The following INKA2 variants were observed in gnomAD, a reference collection of about 807,000 sequenced individuals.
INKA2 encodes the protein inka box actin regulator 2, also known as PAK4-inhibitor INKA2.
INKA2 carries 3 observed loss-of-function variants against 9.8 expected under a neutral mutation model. The ratio of observed to expected loss-of-function variants is 0.31; its 90% CI spans 0.14 to 0.79. The LOEUF (loss-of-function observed/expected upper bound fraction) is 0.79, where lower values mean the gene tolerates loss of function less well. Ranked by LOEUF, INKA2 falls within the 30% of genes least tolerant of loss-of-function variation. The pLI, the probability that INKA2 is intolerant of heterozygous loss-of-function variation, is 0.62. For missense variants in INKA2, 392 were observed against 384.4 expected, an observed-to-expected ratio of 1.02 and a Z score of -0.17; for synonymous variants, 147 against 143.3, an observed-to-expected ratio of 1.03 and a Z score of -0.18.
intron 1 of INKA2, chr1:111,755,507 G>A: frequency 4.8e-6 from 3 of 623,776 alleles, no homozygotes; most frequent in East Asian, 6.0e-5. Flanking sequence ...CGCGAAGCGA[G>A]ACAGGCCAGC....
In INKA2 at chr1:111,726,796, A is replaced by C. The variant is rs1347444354; in HGVS notation, c.*172T>G. 2.8e-6 allele frequency: 2 copies of C among 715,842 alleles called. No homozygotes were observed. The highest frequency in any genetic ancestry group is 4.7e-6 in the Non-Finnish European group (2 of 422,876). 44.3% of individuals were successfully genotyped at this position (715,842 alleles called of 1,614,324 possible). A position where few individuals can be genotyped will look rare whatever the true frequency, so the allele number is the denominator to read the frequency against. On this transcript the variant is annotated 3_prime_UTR_variant, in exon 2 of 2. Transcript: ENST00000357260. ...CTAGCCCCCAAGACAGCCTCTCCCAACCACCTTCCCTTCAGTCCTGAGCCA... is the reference window on the plus strand; with the variant it reads ...CTAGCCCCCAAGACAGCCTCTCCCACCCACCTTCCCTTCAGTCCTGAGCCA...
chr1:111,739,300 A>G lies in INKA2; in HGVS notation c.-58T>C, dbSNP rs1050204749. 1.5e-5 allele frequency: 24 copies of G among 1,607,052 alleles called. No individual in the cohort carries two copies. The South Asian group carries it at 1.9e-4, about 13-fold the overall frequency. Reference sequence around the variant, plus strand: ...AGGGCCCGGGTGAAACCCCGGCCCCACTGGAAACTGCGCTCCGGGCCGGCT... The same window carrying G: ...AGGGCCCGGGTGAAACCCCGGCCCCGCTGGAAACTGCGCTCCGGGCCGGCT... On this transcript the variant is annotated 5_prime_UTR_variant, in exon 1 of 2. Transcript: ENST00000357260.
Position 111,739,322 on chromosome 1 carries a change from G to A in INKA2, c.-80C>T, listed in dbSNP as rs1663087270. ...CCCACTGGAAACTGCGCTCCGGGCC[G>A]GCTCCCCGCCCCTGCGCCCGTAGCG... is the stretch of plus-strand genomic sequence containing the variant. On this transcript the variant is annotated 5_prime_UTR_variant, in exon 1 of 2. Transcript: ENST00000357260. 1.3e-6 allele frequency: 2 copies of A among 1,588,908 alleles called. No homozygotes were observed. Among genetic ancestry groups the A allele is most frequent in the African/African-American group, 2.7e-5 (2 of 73,944 alleles).
intron 1 of INKA2, among the ~76,000 whole-genome samples, chr1:111,748,157 A>G (rs1663314518): frequency 6.6e-6 from 1 of 152,216 alleles, no homozygotes; most frequent in African/African-American, 2.4e-5. Context: ...CTAGTTGCGA[A>G]TTAGCATTTT....
chr1:111,739,221 T>C lies in INKA2; in HGVS notation c.22A>G (p.Met8Val). The stretch of plus-strand genomic sequence containing the variant: ...TTGAGGCGACGGAGATAGCAGTCCA[T>C]TTCCCTGCTCTCCATCGTCATGCGC... Reference protein sequence around the residue: MTMESREMDCYLRRLKQE... With the variant: MTMESREVDCYLRRLKQE... Residue 8 changes from methionine to valine, a missense_variant, in exon 1 of 2, where the codon ATG (methionine) becomes GTG (valine). Met to Val is a conservative substitution (Grantham distance 21, BLOSUM62 1). Coordinates refer to ENST00000357260, the MANE Select transcript of INKA2 (RefSeq NM_019099.5). 6.2e-7 allele frequency: 1 copy of C among 1,613,658 alleles called. No individual in the cohort carries two copies. The highest frequency in any genetic ancestry group is 8.5e-7 in the Non-Finnish European group (1 of 1,179,720).
chr1:111,728,894 G>A (rs1662846696), intron 1 of INKA2, among the ~76,000 whole-genome samples: 1 of 115,906 alleles, frequency 8.6e-6, no homozygotes, highest in Admixed American at 9.0e-5. Flanking sequence ...AGTGGGCAGT[G>A]GAGCTAGGCT....
rs1191854540 is a variant in INKA2 at position 111,726,908 on chromosome 1, C to T, written c.*60G>A. On this transcript the variant is annotated 3_prime_UTR_variant, in exon 2 of 2. Coordinates refer to ENST00000357260, the MANE Select transcript of INKA2 (RefSeq NM_019099.5). ...CATACCGCCCACCCTCCCTCCTCCC[C>T]AGGGGCCCAGCACTGGGACCTGGCC... 9.2e-6 allele frequency: 14 copies of T among 1,514,890 alleles called. No homozygotes were observed. Among genetic ancestry groups the T allele is most frequent in the Non-Finnish European group, 1.3e-5 (14 of 1,114,532 alleles). 93.8% of individuals were successfully genotyped at this position (1,514,890 alleles called of 1,614,324 possible). A position where few individuals can be genotyped will look rare whatever the true frequency, so the allele number is the denominator to read the frequency against.
Position 111,727,250 on chromosome 1 carries a change from G to C in INKA2, c.612C>G (p.Phe204Leu), listed in dbSNP as rs197434. ...KGQPQELGRRFALTANIFKKF... is the reference protein window; with the variant it reads ...KGQPQELGRRLALTANIFKKF... Reference sequence around the variant, plus strand: ...TCTTAAAGATGTTTGCTGTCAGGGCGAACCTGCGGCCCAGCTCCTGGGGCT... The same window carrying C: ...TCTTAAAGATGTTTGCTGTCAGGGCCAACCTGCGGCCCAGCTCCTGGGGCT... Residue 204 changes from phenylalanine to leucine, a missense_variant, in exon 2 of 2, where the codon TTC becomes TTG. Physicochemically the swap from Phe to Leu is conservative, Grantham distance 22. Coordinates refer to ENST00000357260, the MANE Select transcript of INKA2 (RefSeq NM_019099.5). 6.2e-7 allele frequency: 1 copy of C among 1,614,078 alleles called. No individual in the cohort carries two copies.
In INKA2 at chr1:111,723,414, G is replaced by A. The variant is rs197425; in HGVS notation, c.*3554C>T. The A allele has an allele frequency of 8.0e-3, 2,692 of 337,904 alleles. 65 individuals are homozygous for A. The highest frequency in any genetic ancestry group is 0.075 in the African/African-American group (2,416 of 32,000). The allele number at this position is 337,904 out of a possible 1,614,324, so 20.9% of individuals were successfully genotyped here. On this transcript the variant is annotated 3_prime_UTR_variant, in exon 2 of 2. Transcript: ENST00000357260. ...GTTGGGAAGAGAAAGGGAGGAGGGA[G>A]ACCAGGCCGGCCCCACTAGCATGCC... is the stretch of plus-strand genomic sequence containing the variant.
intron 1 of INKA2, among the ~76,000 whole-genome samples, chr1:111,751,653 C>T (rs1009528115): frequency 2.0e-5 from 3 of 152,214 alleles, no homozygotes; most frequent in Non-Finnish European, 4.4e-5. Context: ...CTGGCCTACA[C>T]TTCACTCTCC....
rs532280459 is a variant in INKA2, at chr1:111,725,802, G to A, written c.*1166C>T. The A allele has an allele frequency of 4.0e-5, 10 of 250,634 alleles. No individual in the cohort carries two copies. Among genetic ancestry groups the A allele is most frequent in the African/African-American group, 1.4e-4 (6 of 44,444 alleles). 15.5% of individuals were successfully genotyped at this position (250,634 alleles called of 1,614,324 possible). A position where few individuals can be genotyped will look rare whatever the true frequency, so the allele number is the denominator to read the frequency against. ...GGCTGGAGTGCAGTGGCATGATCTC[G>A]CCTCACTGCAACCTCCCTCTCCCGG... On this transcript the variant is annotated 3_prime_UTR_variant, in exon 2 of 2. Transcript: ENST00000357260.
At chr1:111,752,442 C>T (rs1191054363) in intron 1 of INKA2, among the ~76,000 whole-genome samples, 1 of 152,184 alleles carries the variant, frequency 6.6e-6, no homozygotes, top group Non-Finnish European at 1.5e-5. Flanking sequence ...TACTTTGTTC[C>T]ATTTTTGTAT....
At position 111,727,304 on chromosome 1, in the gene INKA2, C is replaced by T. The variant is rs575931370; in HGVS notation, c.558G>A (p.Gly186=). ...CTTTCTCTCCTTTGGGTTCACGTGC[C>T]CCCCCAGTCTCACCCTTCTCCCCAC... ...EKGGEKGETG[G]AREPKGEKGQ... The change falls in exon 2 of 2, where the codon GGG becomes GGA. Residue 186 remains glycine, a synonymous_variant. Coordinates refer to ENST00000357260, the MANE Select transcript of INKA2 (RefSeq NM_019099.5). 1 of 1,614,142 alleles carries T rather than the reference C, an allele frequency of 6.2e-7. No individual in the cohort carries two copies. Among genetic ancestry groups the T allele is most frequent in the Admixed American group, 1.7e-5 (1 of 60,010 alleles).
chr1:111,723,965 C>CA lies in INKA2; in HGVS notation c.*3002dup, dbSNP rs1662707816. 6.6e-6 allele frequency: 1 copy of CA among 152,346 alleles called. No homozygotes were observed. The highest frequency in any genetic ancestry group is 1.5e-5 in the Non-Finnish European group (1 of 68,038). 9.4% of individuals were successfully genotyped at this position (152,346 alleles called of 1,614,324 possible). ...AATTAGTGGGATCGTCTGAAAAGCACAAGATTGCAAGTCAGTTGGAACTGA... is the reference window on the plus strand; with the variant it reads ...AATTAGTGGGATCGTCTGAAAAGCACAAAGATTGCAAGTCAGTTGGAACTGA... On this transcript the variant is annotated 3_prime_UTR_variant, in exon 2 of 2. Coordinates refer to ENST00000357260, the MANE Select transcript of INKA2 (RefSeq NM_019099.5).
chr1:111,739,159 C>G (rs1371913784), intron 1 of INKA2, 27 bp downstream of exon 1: 1 of 1,610,288 alleles, frequency 6.2e-7, no homozygotes, highest in Non-Finnish European at 8.5e-7. Context: ...GCAGCCCTCC[C>G]TGCCCCGGCG....
upstream of INKA2, among the ~76,000 whole-genome samples, chr1:111,743,899 A>T (rs928785818): frequency 6.6e-6 from 1 of 152,234 alleles, no homozygotes; most frequent in Non-Finnish European, 1.5e-5. Context: ...ATCAACAGGA[A>T]AGGCTGACCC....
chr1:111,745,758 A>G (rs992074016), intron 1 of INKA2: 1 of 152,176 alleles, frequency 6.6e-6, no homozygotes, highest in Non-Finnish European at 1.5e-5. Context: ...GACATTCTGT[A>G]ACATCTGATA....
At chr1:111,731,275 A>G (rs2101363173) in intron 1 of INKA2, among the ~76,000 whole-genome samples, 1 of 152,320 alleles carries the variant, frequency 6.6e-6, no homozygotes, top group Middle Eastern at 3.4e-3. Flanking sequence ...ACAATGGAAC[A>G]AAGTTCAAAT....
chr1:111,731,410 G>T (rs1571592045), intron 1 of INKA2, among the ~76,000 whole-genome samples: 1 of 151,890 alleles, frequency 6.6e-6, no homozygotes, highest in African/African-American at 2.4e-5. Context: ...GAGTATAATG[G>T]CATGATCTCA....
Sources: allele counts gnomAD v4.1 joint callset (sites outside exome capture counted in the v4.1 genomes callset), GRCh38; gene constraint gnomAD v4.1.1; transcripts MANE v1.5; gene names NCBI Gene and HGNC (gene_info 2026-07-23, HGNC 2026-07-21).